Variants in TMEM267 observed in about 807,000 individuals in gnomAD.
TMEM267 encodes the protein transmembrane protein C5orf28.
TMEM267 carries 20 observed loss-of-function variants against 19.3 expected under a neutral mutation model. The observed-to-expected ratio is 1.04, with a 90% CI of 0.73 to 1.51. TMEM267 has a LOEUF of 1.51. Among genes scored for constraint, TMEM267 ranks in the 40% most tolerant of loss-of-function variants. The pLI is 0.00. For synonymous variants in TMEM267, 88 were observed against 90.3 expected (o/e 0.97, Z 0.15); for missense variants, 242 against 261.9 (o/e 0.92, Z 0.52).
At chr5:43,458,597 T>C (rs549810413) in intron 1 of TMEM267, among the ~76,000 whole-genome samples, 2 of 152,274 alleles carry the variant, frequency 1.3e-5, no homozygotes, top group Admixed American at 6.5e-5. Context: ...GTGGTGATAG[T>C]TCCATGGTTC....
At chr5:43,448,459 T>C (rs771836057) in intron 2 of TMEM267, among the ~76,000 whole-genome samples, 6 of 151,960 alleles carry the variant, frequency 3.9e-5, no homozygotes, top group African/African-American at 7.3e-5. Flanking sequence ...AAAAAGCTAG[T>C]ATAGGAGGAA....
intron 2 of TMEM267, among the ~76,000 whole-genome samples, chr5:43,449,755 C>T (rs991994256): frequency 6.6e-6 from 1 of 152,130 alleles, no homozygotes; most frequent in Non-Finnish European, 1.5e-5. Flanking sequence ...AGACTGGAGA[C>T]ACCTTTAATA....
chr5:43,474,951 A>G (rs531370821), intron 1 of TMEM267, among the ~76,000 whole-genome samples: 2 of 152,220 alleles, frequency 1.3e-5, no homozygotes, highest in South Asian at 2.1e-4. Flanking sequence ...AGTTCAACCA[A>G]TGTGGAAGAC....
intron 1 of TMEM267, among the ~76,000 whole-genome samples, chr5:43,477,207 A>G (rs758708304): frequency 1.3e-5 from 2 of 152,074 alleles, no homozygotes; most frequent in African/African-American, 2.4e-5. Context: ...CAACAACAAC[A>G]ACAAATAAGG....
intron 1 of TMEM267, among the ~76,000 whole-genome samples, chr5:43,479,222 T>C (rs1321964361): frequency 2.0e-5 from 3 of 151,952 alleles, no homozygotes; most frequent in Admixed American, 2.0e-4. Context: ...AGATAACCTA[T>C]AAAATAATAT....
At position 43,445,577 on chromosome 5, in the gene TMEM267, T is replaced by C. The variant is rs1402562812; in HGVS notation, c.*645A>G. On this transcript the variant is annotated 3_prime_UTR_variant, in exon 3 of 3. Transcript: ENST00000397080. ...TTTTAATAATTATTTCCTAAATTAATTTCTGAAATAATAAGCTAGATCTAA... is the reference window on the plus strand; with the variant it reads ...TTTTAATAATTATTTCCTAAATTAACTTCTGAAATAATAAGCTAGATCTAA... 1 of 152,206 alleles carries C rather than the reference T, an allele frequency of 6.6e-6. No individual in the cohort carries two copies. Among genetic ancestry groups the C allele is most frequent in the Non-Finnish European group, 1.5e-5 (1 of 68,016 alleles). The allele number at this position is 152,206 out of a possible 1,614,324, so 9.4% of individuals were successfully genotyped here. A position where few individuals can be genotyped will look rare whatever the true frequency, so the allele number is the denominator to read the frequency against.
intron 1 of TMEM267, among the ~76,000 whole-genome samples, chr5:43,480,726 C>A (rs1021076208): frequency 6.7e-6 from 1 of 150,086 alleles, no homozygotes; most frequent in African/African-American, 2.5e-5. Context: ...AAAGCCAGTG[C>A]ATTATATTTT....
rs761221485 is a variant in TMEM267 at position 43,455,832 on chromosome 5, C to T, written c.-74-1789G>A. On this transcript the variant is annotated intron_variant, in intron 1 of 2. Coordinates refer to ENST00000397080, the MANE Select transcript of TMEM267 (RefSeq NM_022483.5). The stretch of plus-strand genomic sequence containing the variant: ...CCTCCCAAAGAGCTGGGATAATAGG[C>T]GTGAGCCATCGTGCCCAGCCAATTT... Among the ~76,000 whole-genome samples, 18 of 152,138 alleles carry T rather than the reference C, an allele frequency of 1.2e-4. No homozygotes were observed. In the South Asian group the frequency reaches 2.3e-3, roughly 19 times the overall value.
chr5:43,481,106 C>CTTTTT (rs70994700), intron 1 of TMEM267, among the ~76,000 whole-genome samples: 2 of 124,454 alleles, frequency 1.6e-5, no homozygotes, highest in Admixed American at 8.2e-5. Context: ...GCCCGGCTTA[C>CTTTTT]TTTTTTTTTT....
chr5:43,451,955 A>G lies in TMEM267; in HGVS notation c.312+1703T>C, dbSNP rs1022674346. The stretch of plus-strand genomic sequence containing the variant: ...TAGCCTGGCATGGTGGCATGTGACT[A>G]TGGTCCCAGATACTCAGGAGGCTGA... On this transcript the variant is annotated intron_variant, in intron 2 of 2. Coordinates refer to ENST00000397080, the MANE Select transcript of TMEM267 (RefSeq NM_022483.5). Among the ~76,000 whole-genome samples, 100 of 151,504 alleles carry G rather than the reference A, an allele frequency of 6.6e-4. 1 individual carries two copies. The highest frequency in any genetic ancestry group is 2.3e-3 in the African/African-American group (93 of 41,316).
At position 43,453,867 on chromosome 5, in the gene TMEM267, T is replaced by C; in HGVS notation, c.103A>G (p.Arg35Gly). The stretch of plus-strand genomic sequence containing the variant: ...TGAATTGTGGAAAACTGAAGAAGTC[T>C]GTCAGCTACGAGGCAAAATGCCCCC... Reference protein sequence around the residue: ...GLGAFCLVADRLLQFSTIQQN... With the variant: ...GLGAFCLVADGLLQFSTIQQN... The change falls in exon 2 of 3, where the codon AGA becomes GGA. Residue 35 changes from arginine to glycine, a missense_variant. By Grantham distance (125) the Arg-to-Gly change is moderately radical. Transcript: ENST00000397080. 6.2e-7 allele frequency: 1 copy of C among 1,614,090 alleles called. No homozygotes were observed.
intron 1 of TMEM267, among the ~76,000 whole-genome samples, chr5:43,464,128 T>C (rs1333409399): frequency 6.6e-6 from 1 of 152,158 alleles, no homozygotes; most frequent in Non-Finnish European, 1.5e-5. Flanking sequence ...AAAATCAATG[T>C]ACAAAAATCA....
At chr5:43,451,878 C>A (rs1181451441) in intron 2 of TMEM267, among the ~76,000 whole-genome samples, 4 of 151,776 alleles carry the variant, frequency 2.6e-5, no homozygotes, top group African/African-American at 9.7e-5. Flanking sequence ...AGTTTGAGAC[C>A]AGACTGGGCA....
chr5:43,456,566 A>G (rs1742966087), intron 1 of TMEM267, among the ~76,000 whole-genome samples: 1 of 152,228 alleles, frequency 6.6e-6, no homozygotes, highest in Admixed American at 6.5e-5. Flanking sequence ...GAGTAATAGG[A>G]AAACAAACCA....
intron 1 of TMEM267, among the ~76,000 whole-genome samples, chr5:43,480,418 A>G (rs575014202): frequency 6.6e-6 from 1 of 152,142 alleles, no homozygotes; most frequent in South Asian, 2.1e-4. Context: ...GGCTCAAGCA[A>G]TTCTCCTGAC....
intron 1 of TMEM267, among the ~76,000 whole-genome samples, chr5:43,474,493 C>T (rs1744287902): frequency 6.6e-6 from 1 of 152,124 alleles, no homozygotes; most frequent in Non-Finnish European, 1.5e-5. Context: ...AGGCGTGGTG[C>T]TCACGCCTGT....
At chr5:43,480,797 C>CTTTTTTTTTTTTTTTTTTT in intron 1 of TMEM267, among the ~76,000 whole-genome samples, 1 of 79,564 alleles carries the variant, frequency 1.3e-5, no homozygotes, top group Non-Finnish European at 2.3e-5. Flanking sequence ...AATAATCTTA[C>CTTTTTTTTTTTTTTTTTTT]TTTTTTTTTT....
intron 1 of TMEM267, among the ~76,000 whole-genome samples, chr5:43,481,416 T>C (rs746588984): frequency 6.6e-6 from 1 of 152,006 alleles, no homozygotes; most frequent in Non-Finnish European, 1.5e-5. Context: ...AACTCTACAT[T>C]TTACATGATG....
intron 1 of TMEM267, among the ~76,000 whole-genome samples, chr5:43,467,822 C>T (rs1335779192): frequency 2.0e-5 from 3 of 152,270 alleles, no homozygotes; most frequent in East Asian, 3.9e-4. Flanking sequence ...ATTCTGATTG[C>T]CTTCTTGGGA....
Sources: allele counts gnomAD v4.1 joint callset (sites outside exome capture counted in the v4.1 genomes callset), GRCh38; gene constraint gnomAD v4.1.1; transcripts MANE v1.5; gene names NCBI Gene and HGNC (gene_info 2026-07-23, HGNC 2026-07-21).